Variants in MFSD8 observed in about 807,000 individuals in gnomAD.
MFSD8 encodes major facilitator superfamily domain-containing protein 8.
In MFSD8, 55 loss-of-function variants were observed where a neutral mutation model predicts 66.4. The ratio of observed to expected loss-of-function variants is 0.83; its 90% confidence interval spans 0.67 to 1.04. MFSD8 has a LOEUF of 1.04. Among genes scored for constraint, MFSD8 ranks in the 50% least tolerant of loss-of-function variants. The pLI is 0.00. For missense variants in MFSD8, 550 were observed against 627.6 expected, an observed-to-expected ratio of 0.88 and a Z score of 1.32; for synonymous variants, 202 against 212.8, an observed-to-expected ratio of 0.95 and a Z score of 0.44.
At chr4:127,927,269 G>C (rs927167500) in intron 9 of MFSD8, among the ~76,000 whole-genome samples, 18 of 151,820 alleles carry the variant, frequency 1.2e-4, no homozygotes, top group African/African-American at 4.1e-4. Context: ...TCCACCTCCT[G>C]GGTTCAAGCG....
chr4:127,938,448 C>T lies in MFSD8; in HGVS notation c.754+335G>A, dbSNP rs976732302. 9.9e-5 allele frequency among the ~76,000 whole-genome samples: 15 copies of T among 151,764 alleles called. No individual in the cohort carries two copies. The South Asian group carries it at 2.9e-3, about 30-fold the overall frequency. ...AATACAAAAAATTAGCCAGGCGTGG[C>T]GGCATGCGCCTGTAGTCCCAGCTAC... is the stretch of plus-strand genomic sequence containing the variant. On this transcript the variant is annotated intron_variant, in intron 7 of 11. Transcript: ENST00000641686.
chr4:127,954,569 T>C (rs1000235613), intron 2 of MFSD8, among the ~76,000 whole-genome samples: 3 of 152,230 alleles, frequency 2.0e-5, no homozygotes, highest in Non-Finnish European at 4.4e-5. Flanking sequence ...CGAGCCGAGA[T>C]AGTGCCATTG....
At chr4:127,952,286 C>G (rs1051620138) in intron 2 of MFSD8, among the ~76,000 whole-genome samples, 2 of 151,708 alleles carry the variant, frequency 1.3e-5, no homozygotes, top group African/African-American at 2.4e-5. Flanking sequence ...GCATCGTAGT[C>G]CCAGCTACTC....
intron 7 of MFSD8, among the ~76,000 whole-genome samples, chr4:127,937,132 C>T (rs1242612556): frequency 6.6e-6 from 1 of 152,166 alleles, no homozygotes; most frequent in East Asian, 1.9e-4. Flanking sequence ...AATCATCATG[C>T]CATCCTTTCT....
chr4:127,941,208 T>A (rs1364240912), intron 5 of MFSD8, among the ~76,000 whole-genome samples: 1 of 152,160 alleles, frequency 6.6e-6, no homozygotes, highest in Non-Finnish European at 1.5e-5. Context: ...ATAGTAGATT[T>A]TGGTGAACAG....
chr4:127,955,247 T>C (rs1158765708), intron 2 of MFSD8, among the ~76,000 whole-genome samples: 1 of 152,100 alleles, frequency 6.6e-6, no homozygotes, highest in African/African-American at 2.4e-5. Flanking sequence ...CATCGACAGA[T>C]AAATGGCTAA....
chr4:127,940,312 A>T (rs1739951010), intron 5 of MFSD8, among the ~76,000 whole-genome samples: 1 of 151,996 alleles, frequency 6.6e-6, no homozygotes, highest in Admixed American at 6.6e-5. Flanking sequence ...AATAATGAAA[A>T]AAAGGTTGTG....
intron 7 of MFSD8, among the ~76,000 whole-genome samples, chr4:127,937,432 A>G (rs1329179671): frequency 6.6e-6 from 1 of 152,094 alleles, no homozygotes; most frequent in Non-Finnish European, 1.5e-5. Flanking sequence ...CTCTATCTTG[A>G]TTCCTCTTTC....
At chr4:127,936,863 C>A (rs556283741) in intron 7 of MFSD8, among the ~76,000 whole-genome samples, 1 of 152,086 alleles carries the variant, frequency 6.6e-6, no homozygotes, top group South Asian at 2.1e-4. Flanking sequence ...TGATGTATAT[C>A]ATTATCCCCT....
At chr4:127,962,331 G>A (rs148077964) in intron 1 of MFSD8, among the ~76,000 whole-genome samples, 70 of 152,164 alleles carry the variant, frequency 4.6e-4, no homozygotes, top group African/African-American at 1.7e-3. Context: ...GCCGTGTCTG[G>A]TGGCCCACGT....
At position 127,920,624 on chromosome 4, in the gene MFSD8, G is replaced by C; in HGVS notation, c.*6C>G. The stretch of plus-strand genomic sequence containing the variant: ...GCAAGTAGTTTCCATCACAGTCTTA[G>C]CTAGTTTATTCCTGAATCCTCCCAT... On this transcript the variant is annotated 3_prime_UTR_variant, in exon 12 of 12. Transcript: ENST00000641686. 2 of 1,613,686 alleles carry C rather than the reference G, an allele frequency of 1.2e-6. No homozygotes were observed. The highest frequency in any genetic ancestry group is 8.5e-7 in the Non-Finnish European group (1 of 1,179,880).
rs1578988016 is a variant in MFSD8, at chr4:127,957,748, T to G, written c.63-156A>C. 2.0e-5 allele frequency among the ~76,000 whole-genome samples: 3 copies of G among 152,342 alleles called. No individual in the cohort carries two copies. The South Asian group carries it at 6.2e-4, about 32-fold the overall frequency. On this transcript the variant is annotated intron_variant, in intron 1 of 11. Transcript: ENST00000641686. Reference sequence around the variant, plus strand: ...CACTAATTTATCTATGAATAAGCATTATTTTTTTGAATTTCCATGGATTGT... The same window carrying G: ...CACTAATTTATCTATGAATAAGCATGATTTTTTTGAATTTCCATGGATTGT...
At chr4:127,957,306 C>G in intron 2 of MFSD8, among the ~76,000 whole-genome samples, 195 bp downstream of exon 2, 1 of 151,992 alleles carries the variant, frequency 6.6e-6, no homozygotes, top group Non-Finnish European at 1.5e-5. Context: ...TGAAAATGTT[C>G]TAGGGATTGG....
chr4:127,946,515 CA>C (rs1252508337), intron 3 of MFSD8, among the ~76,000 whole-genome samples: 1 of 152,018 alleles, frequency 6.6e-6, no homozygotes, highest in Non-Finnish European at 1.5e-5. Context: ...TTCAAAATAG[CA>C]ATGAAAATAT....
At chr4:127,930,641 A>G (rs753933965) in intron 9 of MFSD8, 42 bp downstream of exon 9, 11 of 1,605,706 alleles carry the variant, frequency 6.9e-6, no homozygotes, top group African/African-American at 1.3e-5. Flanking sequence ...TTTTTGTTTT[A>G]TTTTTTAAAA....
At chr4:127,927,647 C>A (rs890051814) in intron 9 of MFSD8, among the ~76,000 whole-genome samples, 12 of 152,142 alleles carry the variant, frequency 7.9e-5, no homozygotes, top group Non-Finnish European at 1.8e-4. Flanking sequence ...TTTACACAAG[C>A]ATTTCCCTAA....
At chr4:127,928,876 T>C (rs919316839) in intron 9 of MFSD8, among the ~76,000 whole-genome samples, 2 of 152,138 alleles carry the variant, frequency 1.3e-5, no homozygotes, top group Non-Finnish European at 2.9e-5. Context: ...AAATGTGGTA[T>C]ATATATATGG....
chr4:127,935,841 A>C (rs1419115568), intron 7 of MFSD8, among the ~76,000 whole-genome samples: 1 of 152,214 alleles, frequency 6.6e-6, no homozygotes, highest in Non-Finnish European at 1.5e-5. Flanking sequence ...AAATAGCCAC[A>C]TGTGGCTAAT....
intron 3 of MFSD8, among the ~76,000 whole-genome samples, chr4:127,944,665 T>TA (rs1212451221): frequency 1.3e-5 from 2 of 151,836 alleles, no homozygotes; most frequent in Admixed American, 6.6e-5. Context: ...TATTTTTATT[T>TA]TTATTTTTTT....
Sources: allele counts gnomAD v4.1 joint callset (sites outside exome capture counted in the v4.1 genomes callset), GRCh38; gene constraint gnomAD v4.1.1; transcripts MANE v1.5; gene names NCBI Gene and HGNC (gene_info 2026-07-23, HGNC 2026-07-21).